The following OPCML variants were observed in gnomAD, a reference collection of about 807,000 sequenced individuals.
OPCML encodes the protein opioid-binding protein/cell adhesion molecule.
Under a neutral mutation model 37.8 loss-of-function variants are expected in OPCML, and 13 were observed. The ratio of observed to expected loss-of-function variants is 0.34; its 90% CI spans 0.22 to 0.55. The LOEUF (loss-of-function observed/expected upper bound fraction) is 0.55. OPCML is among the 20% of genes least tolerant of loss of function. The pLI, the probability that OPCML is intolerant of heterozygous loss-of-function variation, is 0.91. For missense variants in OPCML, 341 were observed against 435.6 expected (o/e 0.78, Z 1.93); for synonymous variants, 176 against 168.8 (o/e 1.04, Z -0.33).
At position 133,205,355 on chromosome 11, in the gene OPCML, C is replaced by T. The variant is rs371989337; in HGVS notation, c.62-262345G>A. On this transcript the variant is annotated intron_variant, in intron 1 of 7. Coordinates refer to ENST00000524381, the MANE Select transcript of OPCML (RefSeq NM_001012393.5). This position sits in a 1 kb window ranked among gnomAD's most constrained non-coding sequence, Gnocchi z 4.8. Reference sequence around the variant, plus strand: ...CTTCCAGCCGGCTGCTCCCCTGTATCCTCTATTGATACACAGGCAAGTGTA... The same window carrying T: ...CTTCCAGCCGGCTGCTCCCCTGTATTCTCTATTGATACACAGGCAAGTGTA... 6.6e-6 allele frequency among the ~76,000 whole-genome samples: 1 copy of T among 152,282 alleles called. No individual in the cohort carries two copies. Among genetic ancestry groups the T allele is most frequent in the East Asian group, 1.9e-4 (1 of 5,168 alleles).
intron 2 of OPCML, among the ~76,000 whole-genome samples, chr11:132,763,083 T>C (rs1946319807): frequency 6.6e-6 from 1 of 152,116 alleles, no homozygotes; most frequent in Non-Finnish European, 1.5e-5. Flanking sequence ...CCCTGAACCC[T>C]TGTGCTTCCC....
At chr11:133,343,187 G>A (rs1306960778) in intron 1 of OPCML, among the ~76,000 whole-genome samples, 2 of 152,018 alleles carry the variant, frequency 1.3e-5, no homozygotes, top group African/African-American at 2.4e-5. Flanking sequence ...GTTCTCTCCA[G>A]CAAGGTTCAG....
intron 1 of OPCML, among the ~76,000 whole-genome samples, chr11:133,247,343 T>G (rs1468850289): frequency 6.6e-6 from 1 of 152,184 alleles, no homozygotes; most frequent in Admixed American, 6.5e-5. Context: ...TTAACATTAA[T>G]TATACACCTA....
At chr11:133,181,593 T>A (rs1937836189) in intron 1 of OPCML, among the ~76,000 whole-genome samples, 1 of 152,106 alleles carries the variant, frequency 6.6e-6, no homozygotes, top group South Asian at 2.1e-4. Flanking sequence ...CAGAAATACC[T>A]CTGTCCAGGC....
At chr11:133,307,324 TA>T (rs1420803273) in intron 1 of OPCML, among the ~76,000 whole-genome samples, 1 of 152,072 alleles carries the variant, frequency 6.6e-6, no homozygotes, top group Non-Finnish European at 1.5e-5. Flanking sequence ...AATGGCATGA[TA>T]GGGGTTATGT....
At chr11:133,060,941 C>G (rs1432178106) in intron 1 of OPCML, among the ~76,000 whole-genome samples, 2 of 152,244 alleles carry the variant, frequency 1.3e-5, no homozygotes, top group African/African-American at 4.8e-5. Context: ...CTCCACTTAA[C>G]TTTTGCTATA....
chr11:132,875,487 G>A (rs1460199837), intron 2 of OPCML, among the ~76,000 whole-genome samples: 56 of 142,372 alleles, frequency 3.9e-4, no homozygotes, highest in Non-Finnish European at 6.5e-4. Context: ...TTTTTGAGAC[G>A]GTGTTTCTCT....
intron 1 of OPCML, among the ~76,000 whole-genome samples, chr11:133,448,233 A>G (rs1946510801): frequency 6.6e-6 from 1 of 152,214 alleles, no homozygotes; most frequent in Non-Finnish European, 1.5e-5. Context: ...ACAGTGGTCA[A>G]AATTAATCAT....
rs1205988161 is a variant in OPCML at position 133,314,184 on chromosome 11, G to A, written c.61+218080C>T. Among the ~76,000 whole-genome samples, 13 of 130,480 alleles carry A rather than the reference G, an allele frequency of 1.0e-4. 1 individual carries two copies. The highest frequency in any genetic ancestry group is 6.1e-4 in the Admixed American group (7 of 11,526). The allele number at this position is 130,480 out of a possible 152,430, so 85.6% of individuals were successfully genotyped here. On this transcript the variant is annotated intron_variant, in intron 1 of 7. Coordinates refer to ENST00000524381, the MANE Select transcript of OPCML (RefSeq NM_001012393.5). ...CAGGAGTCGGAGCTTGCAGTGAGCC[G>A]AGATCGCGCCACTGCACTCCAGCCT...
At chr11:132,826,099 T>A (rs1940314207) in intron 2 of OPCML, among the ~76,000 whole-genome samples, 1 of 152,192 alleles carries the variant, frequency 6.6e-6, no homozygotes, top group South Asian at 2.1e-4. Flanking sequence ...GTCCTGTCCA[T>A]CTCTGTGAAG....
At chr11:132,657,806 C>T (rs1041669562) in intron 2 of OPCML, among the ~76,000 whole-genome samples, 5 of 152,240 alleles carry the variant, frequency 3.3e-5, no homozygotes, top group African/African-American at 4.8e-5. Context: ...CTCCTTATAC[C>T]CCTAAGCAGC....
intron 2 of OPCML, among the ~76,000 whole-genome samples, chr11:132,908,263 C>T (rs1253709085): frequency 1.3e-5 from 2 of 150,784 alleles, no homozygotes; most frequent in Non-Finnish European, 2.9e-5. Flanking sequence ...TCCCCTCCCC[C>T]AAAGAAACAT....
chr11:133,266,857 T>A (rs1037148258), intron 1 of OPCML, among the ~76,000 whole-genome samples: 1 of 152,200 alleles, frequency 6.6e-6, no homozygotes, highest in Non-Finnish European at 1.5e-5. Context: ...GATTTTTCTG[T>A]GCTGGAGAGC....
At chr11:132,686,807 C>G (rs1171027468) in intron 2 of OPCML, among the ~76,000 whole-genome samples, 1 of 152,156 alleles carries the variant, frequency 6.6e-6, no homozygotes, top group East Asian at 1.9e-4. Context: ...ACACATCACC[C>G]ACAGATCCCC....
At chr11:132,722,369 T>A (rs1246906559) in intron 2 of OPCML, among the ~76,000 whole-genome samples, 1 of 152,068 alleles carries the variant, frequency 6.6e-6, no homozygotes, top group Admixed American at 6.6e-5. Context: ...CTGCATTTTT[T>A]AAAAATATGC....
intron 1 of OPCML, among the ~76,000 whole-genome samples, chr11:133,457,895 C>T (rs1327965736): frequency 6.6e-6 from 1 of 151,956 alleles, no homozygotes; most frequent in Non-Finnish European, 1.5e-5. Context: ...GCCTATAATC[C>T]CAACACTTTG....
intron 1 of OPCML, among the ~76,000 whole-genome samples, chr11:133,121,069 C>T (rs915835535): frequency 3.9e-5 from 6 of 152,066 alleles, no homozygotes; most frequent in African/African-American, 7.2e-5. Flanking sequence ...ACTACAGGTG[C>T]GTGTCACCAT....
At chr11:133,246,177 T>C (rs1025725244) in intron 1 of OPCML, among the ~76,000 whole-genome samples, 9 of 152,244 alleles carry the variant, frequency 5.9e-5, no homozygotes, top group African/African-American at 2.2e-4. Context: ...TGTTTCATAC[T>C]GGACATTAAA....
chr11:133,185,918 A>T (rs1206494096), intron 1 of OPCML, among the ~76,000 whole-genome samples: 1 of 152,230 alleles, frequency 6.6e-6, no homozygotes, highest in African/African-American at 2.4e-5. Flanking sequence ...TTTACATTAA[A>T]TTCTCAGAAG....
Sources: allele counts gnomAD v4.1 joint callset (sites outside exome capture counted in the v4.1 genomes callset), GRCh38; gene constraint gnomAD v4.1.1; non-coding constraint Gnocchi (gnomAD v3.1); transcripts MANE v1.5; gene names NCBI Gene and HGNC (gene_info 2026-07-23, HGNC 2026-07-21).